Variants in NFIB observed in about 807,000 individuals in gnomAD.
NFIB encodes the protein nuclear factor 1 B-type.
Under a neutral mutation model 61.5 loss-of-function variants are expected in NFIB, and 11 were observed. The ratio of observed to expected loss-of-function variants is 0.18; its 90% confidence interval spans 0.11 to 0.30. The LOEUF is 0.30. NFIB is among the 10% of genes least tolerant of loss of function. The pLI is 1.00. For missense variants in NFIB, 471 were observed against 608.9 expected, an observed-to-expected ratio of 0.77 and a Z score of 2.38; for synonymous variants, 260 against 216.5, an observed-to-expected ratio of 1.20 and a Z score of -1.76.
intron 1 of NFIB, among the ~76,000 whole-genome samples, chr9:14,332,508 G>T (rs1005542307): frequency 6.6e-6 from 1 of 152,056 alleles, no homozygotes; most frequent in African/African-American, 2.4e-5. Context: ...TTGAGCAACT[G>T]CATGTTCATA....
chr9:14,530,268 G>A, the NFIB span, among the ~76,000 whole-genome samples: 6 of 152,094 alleles, frequency 3.9e-5, no homozygotes, highest in Non-Finnish European at 7.4e-5. Flanking sequence ...CCAAGCATCT[G>A]CCAGTTGATT....
chr9:14,201,270 C>T (rs1320708698), intron 2 of NFIB, among the ~76,000 whole-genome samples: 3 of 152,198 alleles, frequency 2.0e-5, no homozygotes, highest in Admixed American at 6.5e-5. Context: ...GGATAATCTA[C>T]AACCTCCTTA....
the NFIB span, among the ~76,000 whole-genome samples, chr9:14,428,377 T>C: frequency 6.6e-6 from 1 of 152,154 alleles, no homozygotes; most frequent in African/African-American, 2.4e-5. Flanking sequence ...TTGAATCTCC[T>C]GGGGGAAGAA....
chr9:14,248,070 C>G (rs1403131324), intron 2 of NFIB, among the ~76,000 whole-genome samples: 1 of 151,120 alleles, frequency 6.6e-6, no homozygotes, highest in Non-Finnish European at 1.5e-5. Flanking sequence ...GTAGCTGGGA[C>G]TAAAGGCATG....
intron 6 of NFIB, among the ~76,000 whole-genome samples, chr9:14,142,057 G>T (rs1019096500): frequency 6.6e-6 from 1 of 152,094 alleles, no homozygotes; most frequent in Admixed American, 6.6e-5. Flanking sequence ...GAATGGCAGT[G>T]GCAAAGTGAC....
chr9:14,415,716 C>G, the NFIB span, among the ~76,000 whole-genome samples: 9 of 152,326 alleles, frequency 5.9e-5, no homozygotes, highest in South Asian at 1.9e-3. Flanking sequence ...GATAATCACT[C>G]TCTCCATATG....
intron 1 of NFIB, among the ~76,000 whole-genome samples, chr9:14,368,658 A>G (rs770997612): frequency 1.5e-4 from 23 of 152,300 alleles, no homozygotes; most frequent in Middle Eastern, 6.8e-3. Flanking sequence ...GACTAACTTC[A>G]GTTTTGATTA....
At chr9:14,244,684 A>T (rs2054711219) in intron 2 of NFIB, among the ~76,000 whole-genome samples, 1 of 152,222 alleles carries the variant, frequency 6.6e-6, no homozygotes, top group Non-Finnish European at 1.5e-5. Context: ...CTGAATTTGA[A>T]TTTGTATATC....
chr9:14,133,167 T>A (rs7032989), intron 6 of NFIB, among the ~76,000 whole-genome samples: 3,557 of 152,270 alleles, frequency 0.023, 141 homozygotes, highest in African/African-American at 0.08. Flanking sequence ...TTGAAAGTAT[T>A]AGACTTTCAT....
the NFIB span, among the ~76,000 whole-genome samples, chr9:14,499,167 A>G: frequency 1.8e-4 from 28 of 152,198 alleles, 1 homozygote; most frequent in South Asian, 3.3e-3. Context: ...CAGCAAATAT[A>G]TATTTTTTTC....
chr9:14,491,440 A>T, the NFIB span, among the ~76,000 whole-genome samples: 1 of 152,234 alleles, frequency 6.6e-6, no homozygotes, highest in Non-Finnish European at 1.5e-5. Context: ...GTGGGAAAAA[A>T]TCATGTACCA....
rs149120657 is a variant in NFIB at position 14,299,333 on chromosome 9, G to A, written c.562+7656C>T. On this transcript the variant is annotated intron_variant, in intron 2 of 10. Coordinates refer to ENST00000380953, the MANE Select transcript of NFIB (RefSeq NM_001190737.2). ...TTCAGCATGAGACTATATATGTGTCGCTTAATATTAATGGATGCTTGTTAA... is the reference window on the plus strand; with the variant it reads ...TTCAGCATGAGACTATATATGTGTCACTTAATATTAATGGATGCTTGTTAA... Among the ~76,000 whole-genome samples, 50 of 152,044 alleles carry A rather than the reference G, an allele frequency of 3.3e-4. No homozygotes were observed. The East Asian group carries it at 7.7e-3, about 24-fold the overall frequency.
chr9:14,353,185 G>T (rs146632353), intron 1 of NFIB, among the ~76,000 whole-genome samples: 2,052 of 152,196 alleles, frequency 0.013, 19 homozygotes, highest in South Asian at 0.031. Flanking sequence ...GACTGTAGGG[G>T]CAGACAGAGG....
At chr9:14,218,870 G>T (rs1391064884) in intron 2 of NFIB, among the ~76,000 whole-genome samples, 1 of 152,122 alleles carries the variant, frequency 6.6e-6, no homozygotes, top group Non-Finnish European at 1.5e-5. Context: ...ATCATCAAAA[G>T]ACATTTATTA....
At position 14,082,398 on chromosome 9, in the gene NFIB, T is replaced by C. The variant is rs1440511894; in HGVS notation, c.*5911A>G. ...CCTACAAAAGTTGTTCTCAGAGAAA[T>C]ATCATTGAGGTGGGGGCAGCTCTTC... On this transcript the variant is annotated 3_prime_UTR_variant, in exon 11 of 11. Transcript: ENST00000380953. 1 of 202,708 alleles carries C rather than the reference T, an allele frequency of 4.9e-6. No individual in the cohort carries two copies. The highest frequency in any genetic ancestry group is 6.0e-5 in the Admixed American group (1 of 16,704). The allele number at this position is 202,708 out of a possible 1,614,324, so 12.6% of individuals were successfully genotyped here.
intron 3 of NFIB, among the ~76,000 whole-genome samples, chr9:14,169,055 G>A (rs142369994): frequency 6.6e-6 from 1 of 152,212 alleles, no homozygotes; most frequent in African/African-American, 2.4e-5. Context: ...AGAAAATACT[G>A]CTCTGCTTAG....
chr9:14,209,203 C>T (rs2050060502), intron 2 of NFIB, among the ~76,000 whole-genome samples: 1 of 152,100 alleles, frequency 6.6e-6, no homozygotes, highest in Non-Finnish European at 1.5e-5. Context: ...TTATGACATG[C>T]TTATGTTCTT....
At chr9:14,199,652 T>C (rs766473971) in intron 2 of NFIB, among the ~76,000 whole-genome samples, 6 of 152,244 alleles carry the variant, frequency 3.9e-5, no homozygotes, top group Non-Finnish European at 7.3e-5. Flanking sequence ...GGGCCATGTA[T>C]GTTTGTGCTT....
At chr9:14,204,580 G>T (rs933720765) in intron 2 of NFIB, 14 of 1,280,836 alleles carry the variant, frequency 1.1e-5, no homozygotes, top group African/African-American at 4.4e-5. Flanking sequence ...AAGAGAAGAA[G>T]CAGAGGCTGT....
Sources: allele counts gnomAD v4.1 joint callset (sites outside exome capture counted in the v4.1 genomes callset), GRCh38; gene constraint gnomAD v4.1.1; transcripts MANE v1.5; gene names NCBI Gene and HGNC (gene_info 2026-07-23, HGNC 2026-07-21).